Variants in NPAS3 observed in about 807,000 individuals in gnomAD.
NPAS3 encodes neuronal PAS domain protein 3.
Under a neutral mutation model 73.1 loss-of-function variants are expected in NPAS3, and 14 were observed. That is an observed-to-expected ratio of 0.19 (90% CI 0.13 to 0.30). The LOEUF (loss-of-function observed/expected upper bound fraction) is 0.30. Among genes scored for constraint, NPAS3 ranks in the 10% least tolerant of loss-of-function variants. The pLI is 1.00. For missense variants in NPAS3, 1,096 were observed against 1,250.0 expected, an observed-to-expected ratio of 0.88 and a Z score of 1.86; for synonymous variants, 620 against 541.5, an observed-to-expected ratio of 1.14 and a Z score of -2.01.
intron 2 of NPAS3, among the ~76,000 whole-genome samples, chr14:33,209,865 A>G (rs1007868753): frequency 4.6e-5 from 7 of 152,226 alleles, no homozygotes; most frequent in African/African-American, 1.7e-4. Context: ...TGAAGGTGTT[A>G]TGTGTTCAAA....
intron 2 of NPAS3, among the ~76,000 whole-genome samples, chr14:33,163,623 GTT>G (rs71448290): frequency 0.056 from 6,187 of 110,400 alleles, 181 homozygotes; most frequent in East Asian, 0.13. Context: ...GTGTTTTGTT[GTT>G]TTTTTTTTTT....
intron 2 of NPAS3, among the ~76,000 whole-genome samples, chr14:33,167,572 T>C (rs1401704691): frequency 1.3e-5 from 2 of 152,236 alleles, no homozygotes; most frequent in Non-Finnish European, 2.9e-5. Context: ...ATTACACTAT[T>C]ATTTTTCTGA....
chr14:33,326,272 T>C (rs2043700646), intron 3 of NPAS3, among the ~76,000 whole-genome samples: 2 of 152,148 alleles, frequency 1.3e-5, no homozygotes, highest in Non-Finnish European at 2.9e-5. Flanking sequence ...AGACAAAGTA[T>C]TATAAGCATT....
chr14:33,543,415 T>C (rs2054610686), intron 4 of NPAS3, among the ~76,000 whole-genome samples: 1 of 152,210 alleles, frequency 6.6e-6, no homozygotes. Flanking sequence ...TCACATTCTT[T>C]ATAGATTTTA....
chr14:33,470,933 T>TAAAAAA (rs59672930), intron 4 of NPAS3, among the ~76,000 whole-genome samples: 7 of 140,856 alleles, frequency 5.0e-5, no homozygotes, highest in African/African-American at 7.9e-5. Flanking sequence ...AGAGCATATT[T>TAAAAAA]AAAAAAAAAA....
At chr14:32,982,504 G>A (rs1264700777) in intron 1 of NPAS3, among the ~76,000 whole-genome samples, 1 of 152,048 alleles carries the variant, frequency 6.6e-6, no homozygotes. Flanking sequence ...GAGCCCAGGA[G>A]TTTGAGACCA....
At chr14:33,490,889 T>C (rs555332751) in intron 4 of NPAS3, among the ~76,000 whole-genome samples, 72 of 152,290 alleles carry the variant, frequency 4.7e-4, no homozygotes, top group Non-Finnish European at 9.6e-4. Context: ...CTAAAGCGCA[T>C]TTATTCTGAG....
At chr14:33,428,286 A>C (rs2139110811) in intron 4 of NPAS3, among the ~76,000 whole-genome samples, 1 of 152,208 alleles carries the variant, frequency 6.6e-6, no homozygotes, top group Non-Finnish European at 1.5e-5. Flanking sequence ...TCATCTGTAC[A>C]ATGAGAATAC....
intron 4 of NPAS3, among the ~76,000 whole-genome samples, chr14:33,396,589 C>G (rs1234823095): frequency 1.3e-5 from 2 of 152,074 alleles, no homozygotes; most frequent in African/African-American, 4.8e-5. Flanking sequence ...CCATTCTATT[C>G]CTGCATGGTT....
intron 2 of NPAS3, among the ~76,000 whole-genome samples, chr14:33,081,034 C>G (rs1339787935): frequency 2.6e-5 from 4 of 152,166 alleles, no homozygotes; most frequent in African/African-American, 9.7e-5. Context: ...TAGCCAAGTT[C>G]TTTACCAGCA....
At chr14:33,445,894 T>G (rs2139327022) in intron 4 of NPAS3, among the ~76,000 whole-genome samples, 1 of 151,662 alleles carries the variant, frequency 6.6e-6, no homozygotes, top group Non-Finnish European at 1.5e-5. Flanking sequence ...CTCCCTGGGC[T>G]GAGGCCTGTG....
intron 2 of NPAS3, among the ~76,000 whole-genome samples, chr14:33,122,182 A>G (rs566892151): frequency 7.6e-4 from 115 of 152,244 alleles, no homozygotes; most frequent in South Asian, 1.7e-3. Context: ...CTGATTCTGG[A>G]GCAGACATGC....
Position 33,233,983 on chromosome 14 carries a change from G to C in NPAS3, c.385+18557G>C, listed in dbSNP as rs78371569. 2.4e-3 allele frequency among the ~76,000 whole-genome samples: 364 copies of C among 152,144 alleles called. 2 individuals are homozygous for C. Among genetic ancestry groups the C allele is most frequent in the Non-Finnish European group, 4.3e-3 (289 of 67,968 alleles). ...TAATATGTAAAATAATTTATAACCA[G>C]ATACAACTATGCTGTCAATTCAAAT... is the stretch of plus-strand genomic sequence containing the variant. On this transcript the variant is annotated intron_variant, in intron 3 of 11. Transcript: ENST00000356141.
chr14:33,539,153 A>G (rs768778187), intron 4 of NPAS3, among the ~76,000 whole-genome samples: 31 of 151,978 alleles, frequency 2.0e-4, no homozygotes, highest in Non-Finnish European at 4.3e-4. Flanking sequence ...CTGTCTCAAC[A>G]TTGCGGTGTG....
chr14:33,384,459 G>A (rs2046691889), intron 4 of NPAS3, among the ~76,000 whole-genome samples: 2 of 151,826 alleles, frequency 1.3e-5, no homozygotes, highest in Non-Finnish European at 2.9e-5. Flanking sequence ...GCCAGGTGCA[G>A]TGGCTCACAC....
intron 1 of NPAS3, among the ~76,000 whole-genome samples, chr14:33,005,761 C>A (rs755961586): frequency 2.6e-5 from 4 of 152,126 alleles, no homozygotes; most frequent in Non-Finnish European, 5.9e-5. Context: ...ATTCAGATAG[C>A]TTTCCTCATT....
intron 3 of NPAS3, among the ~76,000 whole-genome samples, chr14:33,359,090 A>G (rs1024674067): frequency 6.6e-6 from 1 of 152,166 alleles, no homozygotes; most frequent in Non-Finnish European, 1.5e-5. Context: ...CCAAGAAGTG[A>G]TGTGGCCCAA....
chr14:33,430,522 C>G (rs1047613992), intron 4 of NPAS3, among the ~76,000 whole-genome samples: 2 of 152,078 alleles, frequency 1.3e-5, no homozygotes, highest in African/African-American at 2.4e-5. Flanking sequence ...TCCTTCTCCC[C>G]TCTCCCAACT....
intron 2 of NPAS3, among the ~76,000 whole-genome samples, chr14:33,148,757 G>A (rs1477485707): frequency 6.6e-6 from 1 of 152,060 alleles, no homozygotes; most frequent in Non-Finnish European, 1.5e-5. Flanking sequence ...CGTGATCAAA[G>A]CTCCCTGTAA....
Sources: allele counts gnomAD v4.1 joint callset (sites outside exome capture counted in the v4.1 genomes callset), GRCh38; gene constraint gnomAD v4.1.1; transcripts MANE v1.5; gene names NCBI Gene and HGNC (gene_info 2026-07-23, HGNC 2026-07-21).